The following CBFA2T2 variants were observed in gnomAD, a reference collection of about 807,000 sequenced individuals.
CBFA2T2 encodes the protein protein CBFA2T2.
CBFA2T2 carries 11 observed loss-of-function variants against 62.2 expected under a neutral mutation model. The ratio of observed to expected loss-of-function variants is 0.18; its 90% CI spans 0.11 to 0.29. The LOEUF is 0.29. Ranked by LOEUF, CBFA2T2 falls within the 10% of genes least tolerant of loss-of-function variation. The pLI is 1.00. For synonymous variants in CBFA2T2, 295 were observed against 287.5 expected (o/e 1.03, Z -0.27); for missense variants, 592 against 774.1 (o/e 0.76, Z 2.79).
At chr20:33,610,944 C>T in intron 2 of CBFA2T2, 150 bp from the exon 3 acceptor site, 1 of 812,484 alleles carries the variant, frequency 1.2e-6, no homozygotes, top group Non-Finnish European at 2.0e-6. Context: ...TGACAGCAGT[C>T]TCACTGAGGA....
chr20:33,533,446 G>T (rs1258881058), intron 1 of CBFA2T2, among the ~76,000 whole-genome samples: 1 of 151,976 alleles, frequency 6.6e-6, no homozygotes, highest in Admixed American at 6.6e-5. Context: ...TTTAGGTCTG[G>T]TTTCTTTCAT....
In CBFA2T2 at chr20:33,551,030, A is replaced by G. The variant is rs2012727215; in HGVS notation, c.35-55926A>G. 2.0e-5 allele frequency among the ~76,000 whole-genome samples: 3 copies of G among 152,202 alleles called. No homozygotes were observed. The South Asian group carries it at 6.2e-4, about 31-fold the overall frequency. ...GAATCATTGCTCCTAAAGGGGAGCC[A>G]TAAGTCTTTAAGTATGGATAGTTTT... On this transcript the variant is annotated intron_variant, in intron 1 of 10. Transcript: ENST00000342704.
intron 1 of CBFA2T2, among the ~76,000 whole-genome samples, chr20:33,558,142 T>C (rs2012966885): frequency 2.0e-5 from 3 of 151,572 alleles, no homozygotes; most frequent in Admixed American, 2.0e-4. Context: ...CTCTCTTTTT[T>C]TTTTTTTTTG....
At chr20:33,568,994 G>C (rs9753661) in intron 1 of CBFA2T2, among the ~76,000 whole-genome samples, 1,852 of 152,232 alleles carry the variant, frequency 0.012, 37 homozygotes, top group African/African-American at 0.041. Context: ...AGAAACACCA[G>C]AGTGTCATAA....
At chr20:33,592,718 A>G (rs1404197554) in intron 1 of CBFA2T2, among the ~76,000 whole-genome samples, 1 of 151,984 alleles carries the variant, frequency 6.6e-6, no homozygotes, top group Non-Finnish European at 1.5e-5. Context: ...TTCATGCAAC[A>G]TTACTTGACA....
chr20:33,621,527 T>C (rs1471989533), intron 4 of CBFA2T2, among the ~76,000 whole-genome samples: 1 of 151,976 alleles, frequency 6.6e-6, no homozygotes, highest in Non-Finnish European at 1.5e-5. Context: ...GGTCTCAAAC[T>C]CCTGACCTTG....
chr20:33,514,570 C>T (rs545650672), intron 1 of CBFA2T2, among the ~76,000 whole-genome samples: 1 of 152,018 alleles, frequency 6.6e-6, no homozygotes, highest in Admixed American at 6.6e-5. Context: ...AGATGGGGGC[C>T]AGAGCACACA....
chr20:33,493,495 A>T (rs1212748286), intron 1 of CBFA2T2, among the ~76,000 whole-genome samples: 3 of 152,100 alleles, frequency 2.0e-5, no homozygotes. Context: ...GTGGCCTCAC[A>T]TGTTTGTTTT....
chr20:33,588,660 A>G, intron 1 of CBFA2T2, among the ~76,000 whole-genome samples: 1 of 152,172 alleles, frequency 6.6e-6, no homozygotes, highest in East Asian at 1.9e-4. Flanking sequence ...TAAGAAGCTG[A>G]AAAGGGCTGG....
intron 1 of CBFA2T2, among the ~76,000 whole-genome samples, chr20:33,601,337 T>C (rs2015125814): frequency 6.6e-6 from 1 of 152,180 alleles, no homozygotes; most frequent in African/African-American, 2.4e-5. Context: ...CGGTCTTGGC[T>C]TATTGCAGCC....
chr20:33,608,769 A>AT (rs1273916378), intron 2 of CBFA2T2, among the ~76,000 whole-genome samples: 3 of 152,124 alleles, frequency 2.0e-5, no homozygotes, highest in African/African-American at 4.8e-5. Flanking sequence ...GTGATCATAC[A>AT]TTTTTTTCTA....
intron 1 of CBFA2T2, among the ~76,000 whole-genome samples, chr20:33,601,027 CA>C (rs577854713): frequency 1.5e-3 from 203 of 139,456 alleles, no homozygotes; most frequent in Middle Eastern, 3.7e-3. Context: ...ATAATAGAAC[CA>C]AAAAAAAAAA....
Position 33,644,596 on chromosome 20 carries a change from C to T in CBFA2T2, c.1738C>T (p.Arg580Cys), listed in dbSNP as rs916233497. The change falls in exon 11 of 11, where the codon CGT (arginine) becomes TGT (cysteine). Residue 580 changes from arginine to cysteine, a missense_variant. This residue lies in a region of CBFA2T2 where 85 missense variants were observed against 99.0 expected (regional missense o/e 0.86). Coordinates refer to ENST00000342704, the MANE Select transcript of CBFA2T2 (RefSeq NM_001032999.3). ...CGACAAGACCTCGGCAACCACATCG[C>T]GTTCCTCAACACCTGCTTCTGTGAC... ...ALDKTSATTS[R>C]SSTPASVTAI... The T allele has an allele frequency of 3.1e-6, 5 of 1,612,468 alleles. No individual in the cohort carries two copies. Among genetic ancestry groups the T allele is most frequent in the Non-Finnish European group, 4.2e-6 (5 of 1,178,774 alleles).
chr20:33,582,756 A>G (rs2014179361), intron 1 of CBFA2T2, among the ~76,000 whole-genome samples: 1 of 152,134 alleles, frequency 6.6e-6, no homozygotes, highest in Non-Finnish European at 1.5e-5. Flanking sequence ...AGCCTGGCCA[A>G]CATGGCAAAA....
At chr20:33,631,580 T>C (rs1036786690) in intron 8 of CBFA2T2, among the ~76,000 whole-genome samples, 1 of 152,158 alleles carries the variant, frequency 6.6e-6, no homozygotes, top group Non-Finnish European at 1.5e-5. Flanking sequence ...ATTCAGGTCT[T>C]GCTGGAGTCA....
At chr20:33,631,141 C>T (rs768345150) in intron 8 of CBFA2T2, among the ~76,000 whole-genome samples, 6 of 151,912 alleles carry the variant, frequency 3.9e-5, no homozygotes, top group Non-Finnish European at 4.4e-5. Flanking sequence ...GGTGAAACCC[C>T]GTCTCTACTA....
intron 1 of CBFA2T2, among the ~76,000 whole-genome samples, chr20:33,526,252 T>G (rs2011883376): frequency 6.6e-6 from 1 of 152,122 alleles, no homozygotes; most frequent in Non-Finnish European, 1.5e-5. Context: ...AACTACTGTA[T>G]CCCTAAGGCT....
At chr20:33,505,224 A>G (rs1487392259) in intron 1 of CBFA2T2, among the ~76,000 whole-genome samples, 1 of 152,176 alleles carries the variant, frequency 6.6e-6, no homozygotes, top group Non-Finnish European at 1.5e-5. Context: ...GGTGTAATAG[A>G]GGAAGATATG....
In CBFA2T2 at chr20:33,623,171, G is replaced by C. The variant is rs1221246046; in HGVS notation, c.567G>C (p.Gln189His). The C allele has an allele frequency of 1.2e-6, 2 of 1,614,132 alleles. No individual in the cohort carries two copies. The highest frequency in any genetic ancestry group is 2.7e-5 in the African/African-American group (2 of 74,952). ...TGCACTGCGCTCGGGCGGCCAAGCA[G>C]ACCCCATCCCAGTACCTGGCTCAGC... ...ELLHCARAAKQTPSQYLAQHE... is the reference protein window; with the variant it reads ...ELLHCARAAKHTPSQYLAQHE... Residue 189 changes from glutamine (Q) to histidine (H), a missense_variant, in exon 5 of 11, where the codon CAG (glutamine) becomes CAC (histidine). By Grantham distance (24) the Gln-to-His change is conservative (BLOSUM62 0). Transcript: ENST00000342704.
Sources: allele counts gnomAD v4.1 joint callset (sites outside exome capture counted in the v4.1 genomes callset), GRCh38; gene constraint gnomAD v4.1.1; regional missense constraint gnomAD v4.1.1; transcripts MANE v1.5; gene names NCBI Gene and HGNC (gene_info 2026-07-23, HGNC 2026-07-21).